RDH13: variants seen among roughly 807,000 people sequenced by gnomAD.
The protein encoded by RDH13 is retinol dehydrogenase 13 (all-trans and 9-cis).
A neutral mutation model predicts 28.3 loss-of-function variants in RDH13; 35 were observed. That is an observed-to-expected ratio of 1.24 (90% CI 0.95 to 1.64). The LOEUF is 1.64. Among genes scored for constraint, RDH13 ranks in the 40% most tolerant of loss-of-function variants. RDH13 has a pLI of 0.00. For missense variants in RDH13, 514 were observed against 446.3 expected (o/e 1.15, Z -1.37); for synonymous variants, 229 against 198.5 (o/e 1.15, Z -1.29).
At chr19:55,051,971 A>C (rs577490990) in intron 3 of RDH13, among the ~76,000 whole-genome samples, 93 of 151,346 alleles carry the variant, frequency 6.1e-4, no homozygotes, top group Non-Finnish European at 1.2e-3. Context: ...AGCTTAGGCA[A>C]TTCGCCCACC....
chr19:55,055,110 A>G (rs568588728), intron 3 of RDH13, among the ~76,000 whole-genome samples: 1 of 152,258 alleles, frequency 6.6e-6, no homozygotes, highest in Admixed American at 6.5e-5. Context: ...AAGATCCATA[A>G]AAGTGATTCT....
intron 1 of RDH13, 106 bp downstream of exon 1, chr19:55,062,862 T>A: frequency 3.9e-6 from 4 of 1,029,550 alleles, no homozygotes; most frequent in Non-Finnish European, 5.2e-6. Context: ...GGTCGGGAGC[T>A]ACGGGGCCTG....
chr19:55,053,149 C>A (rs2147031433), intron 3 of RDH13, among the ~76,000 whole-genome samples: 1 of 151,172 alleles, frequency 6.6e-6, no homozygotes, highest in Non-Finnish European at 1.5e-5. Flanking sequence ...AACTGATCTT[C>A]CCAAAACTTC....
At chr19:55,052,340 G>A (rs1424434274) in intron 3 of RDH13, among the ~76,000 whole-genome samples, 2 of 150,910 alleles carry the variant, frequency 1.3e-5, no homozygotes, top group East Asian at 2.0e-4. Context: ...ACCAGGAGAT[G>A]GAGGTTGCAG....
intron 3 of RDH13, among the ~76,000 whole-genome samples, chr19:55,054,443 A>C (rs2075564503): frequency 6.6e-6 from 1 of 152,084 alleles, no homozygotes; most frequent in South Asian, 2.1e-4. Context: ...AAAATACAAA[A>C]ATTAGCCGGG....
chr19:55,057,853 C>A (rs144551406), intron 2 of RDH13, among the ~76,000 whole-genome samples: 1 of 149,178 alleles, frequency 6.7e-6, no homozygotes, highest in Non-Finnish European at 1.5e-5. Flanking sequence ...GCTGCCGCGG[C>A]TGGAGTGCTG....
intron 5 of RDH13, among the ~76,000 whole-genome samples, chr19:55,047,756 G>A (rs141121120): frequency 4.4e-4 from 67 of 152,308 alleles, no homozygotes; most frequent in Middle Eastern, 6.8e-3. Flanking sequence ...GGTGCGTGGC[G>A]GTGGGACCTA....
In RDH13 at chr19:55,047,424, C is replaced by G. The variant is rs745851848; in HGVS notation, c.723G>C (p.Thr241=). Residue 241 remains threonine, a synonymous_variant, in exon 6 of 7, where the codon ACG becomes ACC. Coordinates refer to ENST00000415061, the MANE Select transcript of RDH13 (RefSeq NM_001145971.2). The part of the protein sequence containing the change: ...GVARTELGRH[T]GIHGSTFSST... ...TGGAGAAGGTGGAGCCATGGATGCC[C>G]GTGTGTCTGCCCAGCTCTGTCCTGG... is the stretch of plus-strand genomic sequence containing the variant. 1 of 1,611,538 alleles carries G rather than the reference C, an allele frequency of 6.2e-7. No individual in the cohort carries two copies. The highest frequency in any genetic ancestry group is 1.7e-5 in the Admixed American group (1 of 59,946).
At chr19:55,048,821 C>T (rs1005704254) in intron 3 of RDH13, 58 bp from the exon 4 acceptor site, 5 of 1,426,382 alleles carry the variant, frequency 3.5e-6, no homozygotes, top group African/African-American at 1.4e-5. Context: ...CAGCCTGATG[C>T]ACCAGCAGAA....
downstream of RDH13, among the ~76,000 whole-genome samples, chr19:55,039,926 TC>T (rs1555810293): frequency 6.6e-6 from 1 of 152,176 alleles, no homozygotes; most frequent in Non-Finnish European, 1.5e-5. Context: ...AAGGAAATAT[TC>T]CGGACTTGAC....
At chr19:55,060,399 T>A (rs953494162) in intron 1 of RDH13, among the ~76,000 whole-genome samples, 1 of 152,178 alleles carries the variant, frequency 6.6e-6, no homozygotes, top group Non-Finnish European at 1.5e-5. Context: ...CATAGTACCT[T>A]CCCTTGAACT....
intron 3 of RDH13, among the ~76,000 whole-genome samples, chr19:55,050,454 C>A (rs1004496559): frequency 3.0e-4 from 46 of 152,054 alleles, no homozygotes; most frequent in Admixed American, 6.6e-5. Flanking sequence ...GACAGGGTCT[C>A]CCTCTGACAC....
Position 55,048,487 on chromosome 19 carries a change from G to A in RDH13, c.500C>T (p.Ser167Leu), listed in dbSNP as rs186645017. Residue 167 changes from serine (S) to leucine (L), a missense_variant, in exon 5 of 7, where the codon TCG (serine) becomes TTG (leucine). Coordinates refer to ENST00000415061, the MANE Select transcript of RDH13 (RefSeq NM_001145971.2). ...CAGGGACGAGAGGTTGATGATCCGC[G>A]AAGGGGCTGAGGCTTTCAGCTTGTC... The part of the protein sequence containing the change: ...LLDKLKASAP[S>L]RIINLSSLAH... The A allele has an allele frequency of 6.5e-4, 1,054 of 1,614,228 alleles. 13 individuals carry two copies. The highest frequency in any genetic ancestry group is 5.0e-5 in the Non-Finnish European group (59 of 1,180,044).
chr19:55,045,262 G>A lies in RDH13; in HGVS notation c.808C>T (p.Pro270Ser). The stretch of plus-strand genomic sequence containing the variant: ...TCCGCCACGGCCAGGTATGTGCTGG[G>A]CTGGGCGGCCAGCTCGGGGCTCTTG... ...LVKSPELAAQ[P>S]STYLAVAEEL... Residue 270 changes from proline to serine, a missense_variant, in exon 7 of 7, where the codon CCC (proline) becomes TCC (serine). By Grantham distance (74) the Pro-to-Ser change is moderately conservative. Transcript: ENST00000415061. 6.2e-7 allele frequency: 1 copy of A among 1,613,208 alleles called. No individual in the cohort carries two copies. Among genetic ancestry groups the A allele is most frequent in the South Asian group, 1.1e-5 (1 of 91,064 alleles).
chr19:55,052,335 G>C (rs1247145099), intron 3 of RDH13, among the ~76,000 whole-genome samples: 1 of 151,208 alleles, frequency 6.6e-6, no homozygotes, highest in East Asian at 2.0e-4. Context: ...TTGAAACCAG[G>C]AGATGGAGGT....
chr19:55,045,425 C>T lies in RDH13; in HGVS notation c.761-116G>A, dbSNP rs982967364. 12 of 724,882 alleles carry T rather than the reference C, an allele frequency of 1.7e-5. No homozygotes were observed. The African/African-American group carries it at 1.8e-4, about 11-fold the overall frequency. The allele number at this position is 724,882 out of a possible 1,614,324, so 44.9% of individuals were successfully genotyped here. A position where few individuals can be genotyped will look rare whatever the true frequency, so the allele number is the denominator to read the frequency against. Reference sequence around the variant, plus strand: ...GAGTCCCACAGAGCCCTCCTCTAGCCCTTTCCCCTTGGCTGCCTCCATCTG... The same window carrying T: ...GAGTCCCACAGAGCCCTCCTCTAGCTCTTTCCCCTTGGCTGCCTCCATCTG... On this transcript the variant is annotated intron_variant, in intron 6 of 6. Transcript: ENST00000415061.
At chr19:55,051,891 G>A (rs963332014) in intron 3 of RDH13, among the ~76,000 whole-genome samples, 34 of 151,780 alleles carry the variant, frequency 2.2e-4, no homozygotes, top group Non-Finnish European at 1.2e-4. Flanking sequence ...GACACCACAA[G>A]CAGCTACTTT....
rs1568680519 is a variant in RDH13, at chr19:55,045,070, G to A, written c.*4C>T. 6.3e-7 allele frequency: 1 copy of A among 1,589,328 alleles called. No homozygotes were observed. ...CATCCTGGCTTTCAAATCTGCTCCA[G>A]AGGTTATCTGGGGAGGGGCTGCTCC... On this transcript the variant is annotated 3_prime_UTR_variant, in exon 7 of 7. Transcript: ENST00000415061.
At chr19:55,062,941 G>A (rs1008301081) in intron 1 of RDH13, 27 bp downstream of exon 1, 11 of 1,437,766 alleles carry the variant, frequency 7.7e-6, no homozygotes, top group African/African-American at 6.0e-5. Flanking sequence ...CGCCTTGACC[G>A]CGCACGCGGG....
Sources: gnomAD v4.1 joint callset for allele counts (sites outside exome capture counted in the v4.1 genomes callset) on GRCh38, gnomAD v4.1.1 for gene constraint, MANE v1.5 for transcripts, NCBI Gene and HGNC (gene_info 2026-07-23, HGNC 2026-07-21) for gene names.